The following GPC6 variants were observed in gnomAD, a reference collection of about 807,000 sequenced individuals.
The protein encoded by GPC6 is glypican 6.
In GPC6, 14 loss-of-function variants were observed where a neutral mutation model predicts 55.2. The ratio of observed to expected loss-of-function variants is 0.25; its 90% confidence interval spans 0.17 to 0.40. The LOEUF (loss-of-function observed/expected upper bound fraction) is 0.40. Ranked by LOEUF, GPC6 falls within the 10% of genes least tolerant of loss-of-function variation. The pLI is 1.00. For missense variants in GPC6, 641 were observed against 708.5 expected, an observed-to-expected ratio of 0.90 and a Z score of 1.08; for synonymous variants, 278 against 259.6, an observed-to-expected ratio of 1.07 and a Z score of -0.68.
At chr13:94,272,054 T>A (rs1304746046) in intron 4 of GPC6, among the ~76,000 whole-genome samples, 1 of 152,074 alleles carries the variant, frequency 6.6e-6, no homozygotes, top group Non-Finnish European at 1.5e-5. Flanking sequence ...TCATTTTGGT[T>A]TACCTGGCAC....
At chr13:94,344,692 T>C (rs1297351475) in intron 6 of GPC6, among the ~76,000 whole-genome samples, 1 of 152,238 alleles carries the variant, frequency 6.6e-6, no homozygotes, top group African/African-American at 2.4e-5. Context: ...ACCGAGCATT[T>C]ATTGTTTGCA....
intron 2 of GPC6, among the ~76,000 whole-genome samples, chr13:93,725,726 G>T (rs570157009): frequency 1.3e-5 from 2 of 151,920 alleles, no homozygotes; most frequent in African/African-American, 4.8e-5. Flanking sequence ...TGTTAACAAA[G>T]CATCTATATC....
intron 4 of GPC6, among the ~76,000 whole-genome samples, chr13:94,248,255 A>G (rs1055581835): frequency 6.6e-6 from 1 of 152,150 alleles, no homozygotes; most frequent in Non-Finnish European, 1.5e-5. Context: ...TGCCTGTGAC[A>G]CTGATTTCTC....
chr13:93,400,014 C>T (rs1358154419), intron 1 of GPC6, among the ~76,000 whole-genome samples: 3 of 152,142 alleles, frequency 2.0e-5, no homozygotes, highest in African/African-American at 7.2e-5. Flanking sequence ...GAAATAATCG[C>T]ATAAAGCTAC....
chr13:94,129,219 A>G (rs1593963768), intron 4 of GPC6, among the ~76,000 whole-genome samples: 1 of 152,158 alleles, frequency 6.6e-6, no homozygotes, highest in African/African-American at 2.4e-5. Flanking sequence ...GTTATCCTAA[A>G]CCACCACTTG....
At chr13:93,539,324 T>C (rs1882191624) in intron 1 of GPC6, among the ~76,000 whole-genome samples, 1 of 152,172 alleles carries the variant, frequency 6.6e-6, no homozygotes, top group Non-Finnish European at 1.5e-5. Flanking sequence ...ACTCGCAGTG[T>C]TCCATTTTGG....
At chr13:93,888,314 G>T (rs549155813) in intron 3 of GPC6, among the ~76,000 whole-genome samples, 2 of 152,080 alleles carry the variant, frequency 1.3e-5, no homozygotes, top group Non-Finnish European at 2.9e-5. Flanking sequence ...AAAGAAGCAT[G>T]TTTTTCATTA....
chr13:93,983,825 C>T (rs1880910475), intron 3 of GPC6, among the ~76,000 whole-genome samples: 1 of 149,316 alleles, frequency 6.7e-6, no homozygotes, highest in Non-Finnish European at 1.5e-5. Flanking sequence ...GGAAGATAGT[C>T]CCAAAGAGTT....
At chr13:93,691,239 T>G (rs1242722396) in intron 2 of GPC6, among the ~76,000 whole-genome samples, 2 of 152,122 alleles carry the variant, frequency 1.3e-5, no homozygotes, top group Non-Finnish European at 2.9e-5. Context: ...TACCCCAAAG[T>G]CAGCAGCTGC....
At chr13:93,643,072 T>TAA (rs1246604715) in intron 2 of GPC6, among the ~76,000 whole-genome samples, 2 of 152,162 alleles carry the variant, frequency 1.3e-5, no homozygotes, top group African/African-American at 4.8e-5. Flanking sequence ...ATCACTAAAA[T>TAA]ATGAATGAAT....
At chr13:93,523,227 A>G (rs1881501600) in intron 1 of GPC6, among the ~76,000 whole-genome samples, 1 of 146,118 alleles carries the variant, frequency 6.8e-6, no homozygotes, top group Admixed American at 6.9e-5. Flanking sequence ...ATGGGTACAT[A>G]TATACACATA....
chr13:94,191,296 T>C (rs899061226), intron 4 of GPC6, among the ~76,000 whole-genome samples: 14 of 152,192 alleles, frequency 9.2e-5, no homozygotes, highest in Non-Finnish European at 1.8e-4. Flanking sequence ...TGAATATAAA[T>C]CTTCTTGGTA....
At chr13:93,545,923 T>A (rs563627166) in intron 2 of GPC6, among the ~76,000 whole-genome samples, 2 of 152,338 alleles carry the variant, frequency 1.3e-5, no homozygotes, top group African/African-American at 4.8e-5. Flanking sequence ...CTGTATAAGG[T>A]TTAGACCCTC....
chr13:93,396,528 A>G (rs1182896363), intron 1 of GPC6, among the ~76,000 whole-genome samples: 1 of 152,046 alleles, frequency 6.6e-6, no homozygotes, highest in Non-Finnish European at 1.5e-5. Flanking sequence ...ATGCCTGGGC[A>G]TGATACTCCA....
intron 3 of GPC6, among the ~76,000 whole-genome samples, chr13:93,931,109 C>T (rs1055801041): frequency 2.0e-5 from 3 of 152,122 alleles, no homozygotes; most frequent in African/African-American, 7.2e-5. Flanking sequence ...TCACCTCCCA[C>T]CAGGCCCCAC....
At chr13:93,253,361 G>A (rs973336510) in intron 1 of GPC6, among the ~76,000 whole-genome samples, 1 of 152,140 alleles carries the variant, frequency 6.6e-6, no homozygotes, top group African/African-American at 2.4e-5. Flanking sequence ...GTAATTTTGT[G>A]GATTCCATTT....
At chr13:94,271,366 A>ACGCGCGCGCGCGCG (rs35593846) in intron 4 of GPC6, among the ~76,000 whole-genome samples, 2 of 131,222 alleles carry the variant, frequency 1.5e-5, no homozygotes, top group Non-Finnish European at 3.4e-5. Context: ...ACACACACAC[A>ACGCGCGCGCGCGCG]CGCGCGCGCG....
chr13:93,419,525 G>T (rs902104210), intron 1 of GPC6, among the ~76,000 whole-genome samples: 1 of 152,160 alleles, frequency 6.6e-6, no homozygotes. Context: ...GGAGCTAAGT[G>T]CTTGGAATAT....
chr13:93,429,958 C>T (rs185669301), intron 1 of GPC6, among the ~76,000 whole-genome samples: 2 of 152,258 alleles, frequency 1.3e-5, no homozygotes, highest in African/African-American at 4.8e-5. Flanking sequence ...TATGAGAAAA[C>T]TCCAGGGTTG....
Sources: allele counts gnomAD v4.1 joint callset (sites outside exome capture counted in the v4.1 genomes callset), GRCh38; gene constraint gnomAD v4.1.1; transcripts MANE v1.5; gene names NCBI Gene and HGNC (gene_info 2026-07-23, HGNC 2026-07-21).